The following SMAD6 variants were observed in gnomAD, a reference collection of about 807,000 sequenced individuals.
SMAD6 encodes the protein MAD homolog 6.
In SMAD6, 103 loss-of-function variants were observed where a neutral mutation model predicts 39.4. The observed-to-expected ratio is 2.62, with a 90% CI of 2.23 to 3.08. The LOEUF (loss-of-function observed/expected upper bound fraction) is 3.08, where lower values mean the gene tolerates loss of function less well. SMAD6 is among the 30% of genes most tolerant of loss of function. The pLI is 0.00. For missense variants in SMAD6, 1,104 were observed against 742.9 expected, an observed-to-expected ratio of 1.49 and a Z score of -5.65; for synonymous variants, 445 against 353.3, an observed-to-expected ratio of 1.26 and a Z score of -2.91.
At chr15:66,775,956 G>C (rs114492734) in intron 3 of SMAD6, among the ~76,000 whole-genome samples, 1,547 of 152,318 alleles carry the variant, frequency 0.01, 30 homozygotes, top group African/African-American at 0.036. Context: ...GGGGACCATG[G>C]GTTAGGGGGT....
chr15:66,714,329 C>A (rs1390897169), intron 2 of SMAD6, among the ~76,000 whole-genome samples: 1 of 152,000 alleles, frequency 6.6e-6, no homozygotes, highest in Non-Finnish European at 1.5e-5. Context: ...TAGCTCAGCC[C>A]ACCACCTGTT....
At chr15:66,716,939 T>A in intron 3 of SMAD6, 8 of 1,266,878 alleles carry the variant, frequency 6.3e-6, no homozygotes, top group Non-Finnish European at 8.2e-6. Context: ...GCCGGTTGAA[T>A]GAGCTTGCAG....
At position 66,703,839 on chromosome 15, in the gene SMAD6, C is replaced by A; in HGVS notation, c.581C>A (p.Ala194Glu). Residue 194 changes from alanine (A) to glutamate (E), a missense_variant, in exon 1 of 4, where the codon GCG (alanine) becomes GAG (glutamate). Ala to Glu is a moderately radical substitution (Grantham distance 107). Coordinates refer to ENST00000288840, the MANE Select transcript of SMAD6 (RefSeq NM_005585.5). ...KERSLDTLLE[A>E]VESRGGVPGG... ...CGCTCGCTGGACACGCTGCTGGAGGCGGTGGAGTCCCGCGGCGGCGTGCCG... is the reference window on the plus strand; with the variant it reads ...CGCTCGCTGGACACGCTGCTGGAGGAGGTGGAGTCCCGCGGCGGCGTGCCG... The A allele has an allele frequency of 1.4e-6, 2 of 1,387,038 alleles. No homozygotes were observed. Among genetic ancestry groups the A allele is most frequent in the Non-Finnish European group, 1.9e-6 (2 of 1,058,630 alleles). The allele number at this position is 1,387,038 out of a possible 1,614,324, so 85.9% of individuals were successfully genotyped here.
intron 3 of SMAD6, among the ~76,000 whole-genome samples, chr15:66,754,061 A>G (rs1595788963): frequency 1.3e-5 from 2 of 152,326 alleles, no homozygotes; most frequent in East Asian, 1.9e-4. Context: ...AAGAATATAC[A>G]TAGTAAGTGC....
At chr15:66,760,200 C>T (rs144077375) in intron 3 of SMAD6, among the ~76,000 whole-genome samples, 8 of 151,936 alleles carry the variant, frequency 5.3e-5, no homozygotes, top group Non-Finnish European at 8.8e-5. Context: ...CACTGCCCCT[C>T]ATTTATAATG....
At chr15:66,734,080 C>T in intron 3 of SMAD6, among the ~76,000 whole-genome samples, 1 of 152,196 alleles carries the variant, frequency 6.6e-6, no homozygotes, top group Admixed American at 6.5e-5. Context: ...GAGGCGACTC[C>T]ACAGCCGGGA....
chr15:66,705,043 A>G (rs1227751426), intron 1 of SMAD6: 5 of 152,418 alleles, frequency 3.3e-5, no homozygotes, highest in African/African-American at 1.2e-4. Flanking sequence ...ATGGGAATCC[A>G]TTAGCTGGCA....
rs1894573463 is a variant in SMAD6 at position 66,781,453 on chromosome 15, AG to A, written c.1412del (p.Gly471AlafsTer68). The A allele has an allele frequency of 6.2e-7, 1 of 1,604,894 alleles. No homozygotes were observed. Among genetic ancestry groups the A allele is most frequent in the Non-Finnish European group, 8.5e-7 (1 of 1,177,944 alleles). On this transcript the variant is annotated frameshift_variant, in exon 4 of 4. Transcript: ENST00000288840. LOFTEE classifies it high-confidence loss of function. ...AACAGCGTCCGCATCAGCTTCGCCA[AG>A]GGCTGGGGGCCCTGCTACTCCCGGC... Reference protein sequence around the residue: ...DPNSVRISFAKGWGPCYSRQF... With the variant: ...DPNSVRISFAXGWGPCYSRQF...
chr15:66,703,234 C>CA lies in SMAD6; in HGVS notation c.-24dup. 1 of 1,366,664 alleles carries CA rather than the reference C, an allele frequency of 7.3e-7. No individual in the cohort carries two copies. The highest frequency in any genetic ancestry group is 9.5e-7 in the Non-Finnish European group (1 of 1,052,284). 84.7% of individuals were successfully genotyped at this position (1,366,664 alleles called of 1,614,324 possible). A position where few individuals can be genotyped will look rare whatever the true frequency, so the allele number is the denominator to read the frequency against. On this transcript the variant is annotated 5_prime_UTR_variant, in exon 1 of 4. Transcript: ENST00000288840. ...CGGTAACCGGAGACCGCCTCCCCCC[C>CA]ACCCCTGGCGCCAAAGGATATCGTA...
chr15:66,755,958 T>G (rs892679853), intron 3 of SMAD6, among the ~76,000 whole-genome samples: 1 of 151,556 alleles, frequency 6.6e-6, no homozygotes, highest in African/African-American at 2.4e-5. Context: ...GAACCCACAG[T>G]GGGGTTAAAC....
chr15:66,761,650 A>G (rs1001185454), intron 3 of SMAD6, among the ~76,000 whole-genome samples: 13 of 152,010 alleles, frequency 8.6e-5, no homozygotes, highest in South Asian at 4.1e-4. Flanking sequence ...ATAAGGCCCT[A>G]CCCTCCTGGA....
At chr15:66,723,652 G>C (rs1893473226) in intron 3 of SMAD6, among the ~76,000 whole-genome samples, 1 of 152,124 alleles carries the variant, frequency 6.6e-6, no homozygotes, top group South Asian at 2.1e-4. Flanking sequence ...TCCAACCTGA[G>C]CAACAGAACA....
At chr15:66,760,145 A>G (rs1894173697) in intron 3 of SMAD6, among the ~76,000 whole-genome samples, 1 of 137,974 alleles carries the variant, frequency 7.2e-6, no homozygotes, top group South Asian at 2.7e-4. Flanking sequence ...TTGATTGTTA[A>G]CCTTCCTTTT....
chr15:66,726,680 C>T (rs1302526982), intron 3 of SMAD6, among the ~76,000 whole-genome samples: 2 of 152,134 alleles, frequency 1.3e-5, no homozygotes, highest in East Asian at 1.9e-4. Context: ...GGCCCAGCTC[C>T]TAGTCCTGAC....
Position 66,703,224 on chromosome 15 carries a change from G to T in SMAD6, c.-35G>T. ...AACGGACCCCCGGTAACCGGAGACCGCCTCCCCCCCACCCCTGGCGCCAAA... is the reference window on the plus strand; with the variant it reads ...AACGGACCCCCGGTAACCGGAGACCTCCTCCCCCCCACCCCTGGCGCCAAA... On this transcript the variant is annotated 5_prime_UTR_variant, in exon 1 of 4. Transcript: ENST00000288840. The T allele has an allele frequency of 5.2e-6, 7 of 1,337,324 alleles. No homozygotes were observed. Among genetic ancestry groups the T allele is most frequent in the Non-Finnish European group, 6.8e-6 (7 of 1,033,834 alleles). The allele number at this position is 1,337,324 out of a possible 1,614,324, so 82.8% of individuals were successfully genotyped here.
chr15:66,733,412 T>C (rs569737806), intron 3 of SMAD6, among the ~76,000 whole-genome samples: 1 of 152,384 alleles, frequency 6.6e-6, no homozygotes, highest in Non-Finnish European at 1.5e-5. Context: ...ATATTGGTTC[T>C]TATAGTCAAT....
intron 1 of SMAD6, chr15:66,705,459 C>T (rs1023140033): frequency 1.3e-5 from 2 of 152,208 alleles, no homozygotes; most frequent in South Asian, 4.2e-4. Flanking sequence ...ACTCTTTTCC[C>T]CTTACTGACA....
intron 3 of SMAD6, among the ~76,000 whole-genome samples, chr15:66,761,504 C>T (rs1175485292): frequency 6.6e-6 from 1 of 152,200 alleles, no homozygotes; most frequent in Non-Finnish European, 1.5e-5. Flanking sequence ...CCCTTCTACC[C>T]ACAAGAACAA....
chr15:66,781,309 G>T lies in SMAD6; in HGVS notation c.1265G>T (p.Gly422Val). ...VNSPTLDAPG[G>V]RALVVRKVPP... ...TCCCCGACGCTGGACGCGCCCGGCG[G>T]CCGCGCCCTGGTCGTGCGCAAGGTG... Residue 422 changes from glycine to valine, a missense_variant, in exon 4 of 4, where the codon GGC becomes GTC. Physicochemically the swap from Gly to Val is moderately radical, Grantham distance 109 (BLOSUM62 -3). Coordinates refer to ENST00000288840, the MANE Select transcript of SMAD6 (RefSeq NM_005585.5). The T allele has an allele frequency of 6.2e-7, 1 of 1,601,306 alleles. No individual in the cohort carries two copies.
Sources: gnomAD v4.1 joint callset for allele counts (sites outside exome capture counted in the v4.1 genomes callset) on GRCh38, gnomAD v4.1.1 for gene constraint, MANE v1.5 for transcripts, NCBI Gene and HGNC (gene_info 2026-07-23, HGNC 2026-07-21) for gene names.